The following PBX3 variants were observed in gnomAD, a reference collection of about 807,000 sequenced individuals.
PBX3 encodes the protein pre-B-cell leukemia transcription factor 3.
PBX3 carries 14 observed loss-of-function variants against 48.5 expected under a neutral mutation model. That is an observed-to-expected ratio of 0.29 (90% CI 0.19 to 0.45). The LOEUF is 0.45. Among genes scored for constraint, PBX3 ranks in the 20% least tolerant of loss-of-function variants. The probability of loss-of-function intolerance (pLI) is 1.00; values close to 1 mark genes in which losing one functional copy is unlikely to be tolerated. For missense variants in PBX3, 386 were observed against 546.7 expected (o/e 0.71, Z 2.93); for synonymous variants, 210 against 200.3 (o/e 1.05, Z -0.41).
At chr9:125,935,080 G>A (rs1012993469) in intron 4 of PBX3, among the ~76,000 whole-genome samples, 1 of 151,832 alleles carries the variant, frequency 6.6e-6, no homozygotes, top group African/African-American at 2.4e-5. Flanking sequence ...TGTCTTTTAC[G>A]GTGCCCCAAC....
intron 2 of PBX3, among the ~76,000 whole-genome samples, chr9:125,887,645 A>T (rs980071994): frequency 1.3e-5 from 2 of 152,108 alleles, no homozygotes; most frequent in African/African-American, 4.8e-5. Context: ...ATCTCAAGGG[A>T]CTTTTCTGTG....
At chr9:125,796,313 T>C (rs910325575) in intron 2 of PBX3, among the ~76,000 whole-genome samples, 5 of 152,216 alleles carry the variant, frequency 3.3e-5, no homozygotes, top group Admixed American at 6.5e-5. Flanking sequence ...GAAATGGATC[T>C]TATACTTATA....
intron 2 of PBX3, among the ~76,000 whole-genome samples, chr9:125,901,934 G>A (rs1840954718): frequency 6.6e-6 from 1 of 151,738 alleles, no homozygotes; most frequent in Non-Finnish European, 1.5e-5. Flanking sequence ...CCTAGACCGT[G>A]ACGCACAATG....
At position 125,759,649 on chromosome 9, in the gene PBX3, G is replaced by A. The variant is rs1174787947; in HGVS notation, c.274+11026G>A. ...CATAATTTTGTGGGCAATGAATTAA[G>A]TGTTTTTGTGGCCCTCTCATCCGTA... is the stretch of plus-strand genomic sequence containing the variant. On this transcript the variant is annotated intron_variant, in intron 2 of 8. Transcript: ENST00000373489. The surrounding 1 kb of genome is among the most constrained non-coding windows in gnomAD (Gnocchi z 4.2). Among the ~76,000 whole-genome samples the A allele has an allele frequency of 2.6e-5, 4 of 152,218 alleles. No homozygotes were observed. Among genetic ancestry groups the A allele is most frequent in the Non-Finnish European group, 4.4e-5 (3 of 68,036 alleles).
intron 2 of PBX3, among the ~76,000 whole-genome samples, chr9:125,893,796 C>T (rs555021857): frequency 5.9e-5 from 9 of 152,230 alleles, no homozygotes; most frequent in South Asian, 2.1e-4. Flanking sequence ...AGAACATTCA[C>T]GCTTAGGAAT....
intron 2 of PBX3, among the ~76,000 whole-genome samples, chr9:125,763,936 C>T (rs1372047721): frequency 1.3e-5 from 2 of 152,076 alleles, no homozygotes; most frequent in African/African-American, 4.8e-5. Flanking sequence ...TATTTTATGT[C>T]ATTTAAACGT....
At chr9:125,883,026 T>A (rs978102100) in intron 2 of PBX3, among the ~76,000 whole-genome samples, 1 of 152,242 alleles carries the variant, frequency 6.6e-6, no homozygotes. Context: ...ATACATTAAT[T>A]TGCTGCAGAA....
At chr9:125,834,873 C>T (rs547135194) in intron 2 of PBX3, among the ~76,000 whole-genome samples, 136 of 149,814 alleles carry the variant, frequency 9.1e-4, no homozygotes, top group Non-Finnish European at 1.6e-3. Flanking sequence ...AAAAATGAGC[C>T]AAGTGTGGTG....
intron 2 of PBX3, among the ~76,000 whole-genome samples, chr9:125,914,808 C>G (rs891065764): frequency 2.6e-5 from 4 of 152,160 alleles, no homozygotes; most frequent in African/African-American, 4.8e-5. Context: ...GCTTTTTATA[C>G]CATGATAATT....
intron 2 of PBX3, among the ~76,000 whole-genome samples, chr9:125,886,891 C>T (rs1268050867): frequency 4.6e-5 from 7 of 152,134 alleles, no homozygotes; most frequent in South Asian, 2.1e-4. Context: ...ATTACTCTGT[C>T]TTCAGAATGA....
intron 2 of PBX3, among the ~76,000 whole-genome samples, chr9:125,802,359 ATTTTTTT>A (rs57805307): frequency 7.4e-5 from 5 of 67,762 alleles, no homozygotes; most frequent in Admixed American, 2.3e-4. Context: ...ACATTAGTGC[ATTTTTTT>A]TTTTTTTTTT....
intron 4 of PBX3, among the ~76,000 whole-genome samples, chr9:125,931,961 T>C (rs183016427): frequency 1.3e-5 from 2 of 152,358 alleles, no homozygotes; most frequent in Admixed American, 1.3e-4. Flanking sequence ...AATGGAATTA[T>C]TAGATCTGAG....
intron 2 of PBX3, among the ~76,000 whole-genome samples, chr9:125,907,760 T>C (rs1233865867): frequency 6.6e-6 from 1 of 152,140 alleles, no homozygotes; most frequent in Non-Finnish European, 1.5e-5. Context: ...TTATAACTTA[T>C]TTCTCTAGGT....
chr9:125,824,473 A>G (rs963441561), intron 2 of PBX3, among the ~76,000 whole-genome samples: 4 of 152,132 alleles, frequency 2.6e-5, no homozygotes, highest in Non-Finnish European at 5.9e-5. Context: ...ATATTTAATT[A>G]ATTTGTTGTG....
intron 2 of PBX3, among the ~76,000 whole-genome samples, chr9:125,855,756 C>T (rs987808749): frequency 1.3e-4 from 20 of 152,228 alleles, no homozygotes; most frequent in African/African-American, 4.8e-4. Context: ...TAATAGAAAG[C>T]TTTACAGATG....
At chr9:125,820,129 G>T (rs1028956924) in intron 2 of PBX3, among the ~76,000 whole-genome samples, 2 of 152,194 alleles carry the variant, frequency 1.3e-5, no homozygotes, top group Non-Finnish European at 2.9e-5. Context: ...GAAGCACTGT[G>T]AAAAAGATGA....
At chr9:125,842,444 T>G (rs2132233204) in intron 2 of PBX3, among the ~76,000 whole-genome samples, 1 of 152,266 alleles carries the variant, frequency 6.6e-6, no homozygotes, top group South Asian at 2.1e-4. Context: ...AGCCTTCCGG[T>G]TAGGAGAAAT....
intron 2 of PBX3, among the ~76,000 whole-genome samples, chr9:125,827,655 G>A (rs994215311): frequency 6.6e-6 from 1 of 151,980 alleles, no homozygotes. Flanking sequence ...TTTGATATCC[G>A]TGAATTGATT....
intron 2 of PBX3, among the ~76,000 whole-genome samples, chr9:125,839,429 A>T (rs1839227096): frequency 6.6e-6 from 1 of 152,222 alleles, no homozygotes; most frequent in Non-Finnish European, 1.5e-5. Flanking sequence ...TTTTCACAGC[A>T]ATTCAATTAG....
Sources: allele counts gnomAD v4.1 joint callset (sites outside exome capture counted in the v4.1 genomes callset), GRCh38; gene constraint gnomAD v4.1.1; non-coding constraint Gnocchi (gnomAD v3.1); transcripts MANE v1.5; gene names NCBI Gene and HGNC (gene_info 2026-07-23, HGNC 2026-07-21).